Variants in FOXN3 observed in about 807,000 individuals in gnomAD.
FOXN3 encodes forkhead box protein N3.
Under a neutral mutation model 38.4 loss-of-function variants are expected in FOXN3, and 7 were observed. The ratio of observed to expected loss-of-function variants is 0.18; its 90% CI spans 0.10 to 0.34. The LOEUF (loss-of-function observed/expected upper bound fraction) is 0.34. Among genes scored for constraint, FOXN3 ranks in the 10% least tolerant of loss-of-function variants. The probability of loss-of-function intolerance (pLI) is 1.00; values close to 1 mark genes in which losing one functional copy is unlikely to be tolerated. For missense variants in FOXN3, 456 were observed against 613.4 expected, an observed-to-expected ratio of 0.74 and a Z score of 2.71; for synonymous variants, 230 against 242.2, an observed-to-expected ratio of 0.95 and a Z score of 0.47.
At chr14:89,611,669 G>A (rs1205441506) in intron 1 of FOXN3, among the ~76,000 whole-genome samples, 3 of 152,144 alleles carry the variant, frequency 2.0e-5, no homozygotes, top group Non-Finnish European at 2.9e-5. Flanking sequence ...AGCCGGGCAT[G>A]GCAGCGGGTG....
At chr14:89,533,892 G>A (rs1894628836) in intron 1 of FOXN3, among the ~76,000 whole-genome samples, 1 of 151,676 alleles carries the variant, frequency 6.6e-6, no homozygotes, top group Non-Finnish European at 1.5e-5. Context: ...TACTGTTTTC[G>A]TTCTTCTTTC....
At chr14:89,300,556 C>T (rs1000415668) in intron 3 of FOXN3, among the ~76,000 whole-genome samples, 1 of 152,252 alleles carries the variant, frequency 6.6e-6, no homozygotes, top group Middle Eastern at 3.4e-3. Context: ...GAAAACCAGT[C>T]ACAGACAAGA....
At chr14:89,557,734 G>A (rs541211253) in intron 1 of FOXN3, among the ~76,000 whole-genome samples, 86 of 152,322 alleles carry the variant, frequency 5.6e-4, no homozygotes, top group African/African-American at 1.9e-3. Flanking sequence ...AGGGGGGCAC[G>A]GTGGCTCACA....
chr14:89,338,338 T>C (rs1888523609), intron 3 of FOXN3, among the ~76,000 whole-genome samples: 1 of 152,238 alleles, frequency 6.6e-6, no homozygotes, highest in Admixed American at 6.5e-5. Context: ...AAATCATTGA[T>C]AAATAATATA....
At chr14:89,568,673 C>T (rs1257889532) in intron 1 of FOXN3, among the ~76,000 whole-genome samples, 1 of 152,194 alleles carries the variant, frequency 6.6e-6, no homozygotes, top group Non-Finnish European at 1.5e-5. Flanking sequence ...TACAGAAATT[C>T]CTTGCTGGCA....
chr14:89,612,900 A>T lies in FOXN3; in HGVS notation c.-15+6128T>A, dbSNP rs190624616. 3.0e-3 allele frequency among the ~76,000 whole-genome samples: 451 copies of T among 151,918 alleles called. 1 individual carries two copies. The highest frequency in any genetic ancestry group is 0.01 in the African/African-American group (435 of 41,432). On this transcript the variant is annotated intron_variant, in intron 1 of 6. Transcript: ENST00000345097. ...TTTGGGAGGCCGAGGTGGGCAGATCATGAGGTCAGCAGTTTCAGACGAGCC... is the reference window on the plus strand; with the variant it reads ...TTTGGGAGGCCGAGGTGGGCAGATCTTGAGGTCAGCAGTTTCAGACGAGCC...
At chr14:89,367,371 G>C (rs759870489) in intron 2 of FOXN3, among the ~76,000 whole-genome samples, 1 of 152,200 alleles carries the variant, frequency 6.6e-6, no homozygotes, top group African/African-American at 2.4e-5. Context: ...TGATGTGGCG[G>C]CACCCGGCTC....
At chr14:89,255,763 C>A (rs1023410075) in intron 4 of FOXN3, among the ~76,000 whole-genome samples, 6 of 152,144 alleles carry the variant, frequency 3.9e-5, no homozygotes, top group Non-Finnish European at 7.3e-5. Flanking sequence ...ACTAACAAGG[C>A]CTGGGGTCAG....
intron 4 of FOXN3, among the ~76,000 whole-genome samples, chr14:89,246,084 T>G (rs1794975258): frequency 6.6e-6 from 1 of 152,188 alleles, no homozygotes; most frequent in African/African-American, 2.4e-5. Context: ...CTGCTTGTGC[T>G]GATGGCTGCA....
chr14:89,450,788 T>C (rs1892599573), intron 1 of FOXN3, among the ~76,000 whole-genome samples: 2 of 152,296 alleles, frequency 1.3e-5, no homozygotes, highest in East Asian at 3.9e-4. Context: ...GGTTTCACCA[T>C]GTTAGTCAGG....
intron 1 of FOXN3, among the ~76,000 whole-genome samples, chr14:89,585,757 G>GAAAA (rs34382325): frequency 2.2e-5 from 3 of 136,856 alleles, no homozygotes; most frequent in Non-Finnish European, 4.7e-5. Context: ...CACTTGACTA[G>GAAAA]AAAAAAAAAA....
At chr14:89,485,250 C>T (rs145150207) in intron 1 of FOXN3, among the ~76,000 whole-genome samples, 3 of 152,138 alleles carry the variant, frequency 2.0e-5, no homozygotes, top group Non-Finnish European at 4.4e-5. Flanking sequence ...ACAGGATCCA[C>T]TGCACCATAC....
At chr14:89,550,873 G>A (rs1025397850) in intron 1 of FOXN3, among the ~76,000 whole-genome samples, 8 of 152,130 alleles carry the variant, frequency 5.3e-5, no homozygotes, top group Non-Finnish European at 1.0e-4. Flanking sequence ...ATTGTAAGAC[G>A]GAGAGAGCGA....
At chr14:89,565,173 CAG>C (rs1161834926) in intron 1 of FOXN3, among the ~76,000 whole-genome samples, 2 of 150,610 alleles carry the variant, frequency 1.3e-5, no homozygotes, top group African/African-American at 4.9e-5. Flanking sequence ...ATGATGGAGG[CAG>C]AGACTGGGGT....
intron 3 of FOXN3, among the ~76,000 whole-genome samples, chr14:89,335,381 C>CT (rs1339944806): frequency 6.6e-6 from 1 of 152,250 alleles, no homozygotes; most frequent in African/African-American, 2.4e-5. Context: ...GCTTAGATTA[C>CT]TGAAAACATC....
Position 89,484,312 on chromosome 14 carries a change from G to A in FOXN3, c.-14-71822C>T, listed in dbSNP as rs948785740. ...GAGTTGGTAAGCTTTTCCCATAAAA[G>A]ACCATAGGGTAAATATTTCATGGTT... On this transcript the variant is annotated intron_variant, in intron 1 of 6. Coordinates refer to the FOXN3 transcript ENST00000345097. This position sits in a 1 kb window ranked among gnomAD's most constrained non-coding sequence, Gnocchi z 4.0. Among the ~76,000 whole-genome samples, 1 of 152,158 alleles carries A rather than the reference G, an allele frequency of 6.6e-6. No homozygotes were observed. The highest frequency in any genetic ancestry group is 2.1e-4 in the South Asian group (1 of 4,828).
chr14:89,481,792 G>C (rs1426039883), intron 1 of FOXN3, among the ~76,000 whole-genome samples: 1 of 152,178 alleles, frequency 6.6e-6, no homozygotes, highest in African/African-American at 2.4e-5. Context: ...TCTTAGAAGA[G>C]TCTCAATAAA....
chr14:89,491,924 T>C (rs964472836), intron 1 of FOXN3, among the ~76,000 whole-genome samples: 1 of 152,254 alleles, frequency 6.6e-6, no homozygotes, highest in Non-Finnish European at 1.5e-5. Flanking sequence ...TAGGTTCATG[T>C]GTTTTTCTAT....
intron 1 of FOXN3, among the ~76,000 whole-genome samples, chr14:89,557,132 C>T (rs1303944439): frequency 6.6e-6 from 1 of 152,182 alleles, no homozygotes; most frequent in African/African-American, 2.4e-5. Flanking sequence ...TCTTGACTGT[C>T]CTCAAGGCCA....
Sources: allele counts gnomAD v4.1 joint callset (sites outside exome capture counted in the v4.1 genomes callset), GRCh38; gene constraint gnomAD v4.1.1; non-coding constraint Gnocchi (gnomAD v3.1); transcripts MANE v1.5; gene names NCBI Gene and HGNC (gene_info 2026-07-23, HGNC 2026-07-21).